The following XRN1 variants were observed in gnomAD, a reference collection of about 807,000 sequenced individuals.
XRN1 encodes 5'-3' exoribonuclease 1, also known as strand-exchange protein 1 homolog.
Under a neutral mutation model 222.3 loss-of-function variants are expected in XRN1, and 67 were observed. The ratio of observed to expected loss-of-function variants is 0.30; its 90% confidence interval spans 0.25 to 0.37. The LOEUF is 0.37. XRN1 is among the 10% of genes least tolerant of loss of function. The probability of loss-of-function intolerance (pLI) is 1.00; values close to 1 mark genes in which losing one functional copy is unlikely to be tolerated. For synonymous variants in XRN1, 643 were observed against 652.4 expected, an observed-to-expected ratio of 0.99 and a Z score of 0.22; for missense variants, 1,707 against 2,000.2, an observed-to-expected ratio of 0.85 and a Z score of 2.80.
intron 37 of XRN1, among the ~76,000 whole-genome samples, chr3:142,325,166 CT>C (rs1372190217): frequency 6.6e-6 from 1 of 152,138 alleles, no homozygotes; most frequent in Admixed American, 6.5e-5. Flanking sequence ...AGTGGCTGTA[CT>C]AATTTACGTT....
chr3:142,384,512 T>C lies in XRN1; in HGVS notation c.2502+11A>G. On this transcript the variant is annotated intron_variant, in intron 21 of 40. Coordinates refer to ENST00000392981, the MANE Select transcript of XRN1 (RefSeq NM_001282857.2). ...ATATTAAGACAGAATTGAAACTTGA[T>C]ATAGACTTACCTTGACAATAGTTTG... is the stretch of plus-strand genomic sequence containing the variant. 6.2e-7 allele frequency: 1 copy of C among 1,604,438 alleles called. No individual in the cohort carries two copies. Among genetic ancestry groups the C allele is most frequent in the African/African-American group, 1.3e-5 (1 of 74,702 alleles).
intron 3 of XRN1, 79 bp from the exon 4 acceptor site, chr3:142,425,617 T>C: frequency 8.3e-7 from 1 of 1,201,714 alleles, no homozygotes. Context: ...CATAACTGAA[T>C]CTGAGTACGC....
intron 20 of XRN1, 66 bp from the exon 21 acceptor site, chr3:142,384,751 C>A: frequency 2.5e-6 from 3 of 1,211,270 alleles, no homozygotes; most frequent in South Asian, 3.5e-5. Context: ...GGACGATAAT[C>A]GTCAACTATC....
At chr3:142,333,149 G>A in intron 34 of XRN1, 60 bp from the exon 35 acceptor site, 6 of 1,534,844 alleles carry the variant, frequency 3.9e-6, no homozygotes, top group Non-Finnish European at 5.3e-6. Flanking sequence ...CACACAAAAA[G>A]CTGAGTTTTA....
chr3:142,406,650 C>T (rs1038937214), intron 15 of XRN1, among the ~76,000 whole-genome samples: 28 of 152,128 alleles, frequency 1.8e-4, no homozygotes, highest in Non-Finnish European at 3.2e-4. Flanking sequence ...CTTCAGTCTC[C>T]CAGGTAGCTG....
intron 11 of XRN1, 59 bp from the exon 12 acceptor site, chr3:142,418,668 C>T: frequency 4.7e-6 from 7 of 1,478,918 alleles, no homozygotes; most frequent in Non-Finnish European, 6.5e-6. Context: ...GTTTTTCCAC[C>T]TAATGATTTG....
intron 3 of XRN1, chr3:142,426,451 G>A (rs2069250243): frequency 3.6e-6 from 1 of 276,556 alleles, no homozygotes; most frequent in Non-Finnish European, 6.8e-6. Context: ...GCAGGAATAG[G>A]ACAGAAAGAT....
At chr3:142,440,595 G>C (rs1426790683) in intron 1 of XRN1, among the ~76,000 whole-genome samples, 1 of 152,180 alleles carries the variant, frequency 6.6e-6, no homozygotes, top group Admixed American at 6.5e-5. Context: ...CCAAGGCCTA[G>C]TAAAACCATG....
intron 1 of XRN1, among the ~76,000 whole-genome samples, chr3:142,445,950 T>G (rs1298803964): frequency 6.6e-6 from 1 of 152,256 alleles, no homozygotes; most frequent in Non-Finnish European, 1.5e-5. Flanking sequence ...GTTCATCAGA[T>G]GTTGCCCCAT....
intron 34 of XRN1, 106 bp downstream of exon 34, chr3:142,335,342 C>A: frequency 9.5e-7 from 1 of 1,049,048 alleles, no homozygotes; most frequent in Non-Finnish European, 1.5e-6. Flanking sequence ...TGGCCACACA[C>A]CTTATAAATT....
chr3:142,316,214 C>CTTTTTT (rs377522108), intron 39 of XRN1, among the ~76,000 whole-genome samples: 15 of 111,826 alleles, frequency 1.3e-4, no homozygotes, highest in African/African-American at 4.4e-4. Flanking sequence ...TCATTATCTT[C>CTTTTTT]TTTTTTTTTT....
intron 39 of XRN1, among the ~76,000 whole-genome samples, chr3:142,316,801 C>A (rs2065222132): frequency 6.6e-6 from 1 of 152,094 alleles, no homozygotes; most frequent in African/African-American, 2.4e-5. Context: ...GGCATGAAGG[C>A]TCATGCTTGT....
rs536833049 is a variant in XRN1, at chr3:142,312,651, G to T, written c.4729C>A (p.Pro1577Thr). The change falls in exon 40 of 41, where the codon CCC (proline) becomes ACC (threonine). Residue 1577 changes from proline to threonine, a missense_variant. By Grantham distance (38) the Pro-to-Thr change is conservative (BLOSUM62 -1). This residue lies in a region of XRN1 where 473 missense variants were observed against 482.0 expected (regional missense o/e 0.98). Coordinates refer to ENST00000392981, the MANE Select transcript of XRN1 (RefSeq NM_001282857.2). ...CCCCCTGGTATTCCCCCAGCCATGG[G>T]CATGGTCCCAGAATATAAAGTATGA... Reference protein sequence around the residue: ...FHHTLYSGTMPMAGGIPGGVH... With the variant: ...FHHTLYSGTMTMAGGIPGGVH... 1.2e-6 allele frequency: 2 copies of T among 1,613,474 alleles called. No individual in the cohort carries two copies. Among genetic ancestry groups the T allele is most frequent in the African/African-American group, 1.3e-5 (1 of 75,020 alleles).
chr3:142,380,025 C>A, intron 23 of XRN1, 57 bp downstream of exon 23: 1 of 1,400,198 alleles, frequency 7.1e-7, no homozygotes, highest in South Asian at 1.4e-5. Flanking sequence ...CAAAAATATC[C>A]TAATATTTTA....
intron 19 of XRN1, 107 bp from the exon 20 acceptor site, chr3:142,397,567 G>A (rs2108004768): frequency 1.2e-6 from 1 of 814,794 alleles, no homozygotes; most frequent in Non-Finnish European, 1.7e-6. Flanking sequence ...TGGTATACTA[G>A]CAAAAAACCC....
intron 34 of XRN1, among the ~76,000 whole-genome samples, chr3:142,334,692 C>A (rs2065798883): frequency 6.9e-6 from 1 of 144,288 alleles, no homozygotes; most frequent in Admixed American, 7.0e-5. Context: ...TATATAAGAC[C>A]ATATATATAT....
Position 142,333,060 on chromosome 3 carries a change from T to G in XRN1, c.3969A>C (p.Ala1323=), listed in dbSNP as rs2065747609. Residue 1323 remains alanine, a synonymous_variant, in exon 35 of 41, where the codon GCA becomes GCC. Transcript: ENST00000392981. ...CATTTTCTTTGGAGATATTCAAAGA[T>G]GCTAAAAAGTTCTCAATTCCAGAGT... is the stretch of plus-strand genomic sequence containing the variant. ...QPNSGIENFL[A]SLNISKENEV... is the part of the protein sequence containing the mutation. 6.2e-7 allele frequency: 1 copy of G among 1,612,836 alleles called. No individual in the cohort carries two copies. Among genetic ancestry groups the G allele is most frequent in the African/African-American group, 1.3e-5 (1 of 74,836 alleles).
In XRN1 at chr3:142,370,625, A is replaced by G; in HGVS notation, c.3069-5T>C. On this transcript the variant is annotated splice_region_variant and splice_polypyrimidine_tract_variant and intron_variant, in intron 26 of 40. Coordinates refer to ENST00000392981, the MANE Select transcript of XRN1 (RefSeq NM_001282857.2). ...ATTTCTTGAACTTTTTCAGCACTAA[A>G]GCAAAAACAATAATTTTTAAAATTT... 6.4e-7 allele frequency: 1 copy of G among 1,561,720 alleles called. No homozygotes were observed. The highest frequency in any genetic ancestry group is 8.6e-7 in the Non-Finnish European group (1 of 1,161,678).
intron 32 of XRN1, among the ~76,000 whole-genome samples, chr3:142,354,794 G>T (rs886320499): frequency 6.6e-6 from 1 of 152,098 alleles, no homozygotes; most frequent in Non-Finnish European, 1.5e-5. Flanking sequence ...GCCTCTCAAG[G>T]TGCTGGGATT....
Sources: allele counts gnomAD v4.1 joint callset (sites outside exome capture counted in the v4.1 genomes callset), GRCh38; gene constraint gnomAD v4.1.1; regional missense constraint gnomAD v4.1.1; transcripts MANE v1.5; gene names NCBI Gene and HGNC (gene_info 2026-07-23, HGNC 2026-07-21).